HACE1: variants seen among roughly 807,000 people sequenced by gnomAD.
HACE1 encodes the protein E3 ubiquitin-protein ligase HACE1.
Under a neutral mutation model 118.4 loss-of-function variants are expected in HACE1, and 73 were observed. The ratio of observed to expected loss-of-function variants is 0.62; its 90% confidence interval spans 0.51 to 0.75. The LOEUF (loss-of-function observed/expected upper bound fraction) is 0.75. HACE1 is among the 30% of genes least tolerant of loss of function. The pLI is 0.00. For missense variants in HACE1, 749 were observed against 1,102.2 expected (o/e 0.68, Z 4.54); for synonymous variants, 368 against 374.8 (o/e 0.98, Z 0.21).
intron 22 of HACE1, among the ~76,000 whole-genome samples, chr6:104,736,855 G>A (rs931143347): frequency 2.6e-5 from 4 of 151,970 alleles, no homozygotes; most frequent in African/African-American, 9.7e-5. Context: ...AAAAAAATAA[G>A]CAAAATGTTA....
intron 11 of HACE1, among the ~76,000 whole-genome samples, chr6:104,790,296 T>C (rs1476116856): frequency 6.6e-6 from 1 of 152,200 alleles, no homozygotes; most frequent in East Asian, 1.9e-4. Context: ...AAATTTTCCA[T>C]GTAAGGAAAG....
At chr6:104,812,802 T>C (rs188002966) in intron 6 of HACE1, among the ~76,000 whole-genome samples, 11 of 152,120 alleles carry the variant, frequency 7.2e-5, no homozygotes, top group South Asian at 2.1e-4. Context: ...CCTTGGAATA[T>C]AGGAATGGTT....
chr6:104,786,259 T>G (rs183227884), intron 11 of HACE1: 1 of 150,608 alleles, frequency 6.6e-6, no homozygotes, highest in East Asian at 2.0e-4. Context: ...GACGATCACT[T>G]GAACCCAGGA....
chr6:104,753,549 C>T (rs1778295438), intron 19 of HACE1, among the ~76,000 whole-genome samples: 1 of 152,184 alleles, frequency 6.6e-6, no homozygotes, highest in African/African-American at 2.4e-5. Context: ...GACCTGCCTG[C>T]CATCTTTGCT....
intron 6 of HACE1, among the ~76,000 whole-genome samples, chr6:104,812,269 C>T (rs1244664481): frequency 6.6e-6 from 1 of 151,906 alleles, no homozygotes; most frequent in African/African-American, 2.4e-5. Context: ...TAGTGAGACC[C>T]CATTTTTACA....
At chr6:104,797,074 T>G in intron 7 of HACE1, 49 bp from the exon 8 acceptor site, 2 of 1,016,878 alleles carry the variant, frequency 2.0e-6, no homozygotes, top group African/African-American at 1.6e-5. Context: ...TTAAAGTCTT[T>G]CTCTATGAAT....
intron 5 of HACE1, among the ~76,000 whole-genome samples, chr6:104,838,281 G>A (rs1394510120): frequency 6.6e-6 from 1 of 152,050 alleles, no homozygotes; most frequent in Non-Finnish European, 1.5e-5. Flanking sequence ...CAAAACTGGA[G>A]GAATATCATT....
intron 5 of HACE1, among the ~76,000 whole-genome samples, chr6:104,839,375 C>A (rs1218384479): frequency 6.6e-6 from 1 of 152,148 alleles, no homozygotes; most frequent in African/African-American, 2.4e-5. Context: ...TAAGTATAAC[C>A]TAGATAAGTC....
chr6:104,736,280 T>A (rs1049709936), intron 22 of HACE1, among the ~76,000 whole-genome samples: 1 of 151,726 alleles, frequency 6.6e-6, no homozygotes, highest in East Asian at 1.9e-4. Flanking sequence ...ATTTATTATT[T>A]TTTATTATTA....
intron 20 of HACE1, among the ~76,000 whole-genome samples, chr6:104,745,737 G>A (rs920952793): frequency 6.6e-6 from 1 of 151,900 alleles, no homozygotes; most frequent in Non-Finnish European, 1.5e-5. Flanking sequence ...CACCGTGCCC[G>A]GCCAGGATTT....
chr6:104,790,733 C>G (rs775291620), intron 11 of HACE1, among the ~76,000 whole-genome samples: 5 of 152,092 alleles, frequency 3.3e-5, no homozygotes, highest in Non-Finnish European at 7.4e-5. Context: ...CCAGCCTAGG[C>G]AACAGAGTGA....
At chr6:104,730,217 C>T in intron 23 of HACE1, 86 bp downstream of exon 23, 1 of 766,392 alleles carries the variant, frequency 1.3e-6, no homozygotes, top group South Asian at 1.4e-5. Context: ...AGGTTTTCCT[C>T]CCAATGCAGC....
intron 10 of HACE1, among the ~76,000 whole-genome samples, chr6:104,793,632 G>A (rs1783309617): frequency 1.3e-5 from 2 of 152,072 alleles, no homozygotes; most frequent in African/African-American, 4.8e-5. Flanking sequence ...TTTTCTTAAT[G>A]AAAATTTCTA....
chr6:104,806,419 G>A (rs1462276676), intron 7 of HACE1, among the ~76,000 whole-genome samples: 2 of 152,182 alleles, frequency 1.3e-5, no homozygotes, highest in Non-Finnish European at 2.9e-5. Context: ...TTATGATCAC[G>A]CCACTGCACT....
In HACE1 at chr6:104,785,023, T is replaced by C. The variant is rs1782195786; in HGVS notation, c.1371A>G (p.Gln457=). 1 of 1,613,634 alleles carries C rather than the reference T, an allele frequency of 6.2e-7. No individual in the cohort carries two copies. Among genetic ancestry groups the C allele is most frequent in the African/African-American group, 1.3e-5 (1 of 74,900 alleles). The stretch of plus-strand genomic sequence containing the variant: ...GACAAGAACAGCACATGTAAAAAGC[T>C]TGAATGACAGCACTTAGCCGGTTAG... The part of the protein sequence containing the change: ...MTANRLSAVI[Q]AFYMCCSCQM... Residue 457 remains glutamine (Q), a synonymous_variant, in exon 12 of 24, where the codon CAA becomes CAG. Transcript: ENST00000262903.
chr6:104,851,390 C>A lies in HACE1; in HGVS notation c.132-394G>T, dbSNP rs993461036. Among the ~76,000 whole-genome samples, 8 of 152,258 alleles carry A rather than the reference C, an allele frequency of 5.3e-5. No individual in the cohort carries two copies. In the East Asian group the frequency reaches 1.4e-3, roughly 26 times the overall value. On this transcript the variant is annotated intron_variant, in intron 2 of 23. Coordinates refer to ENST00000262903, the MANE Select transcript of HACE1 (RefSeq NM_020771.4). ...AGCCACCCCACCCGGCCTAGCTATT[C>A]TTCTGATTCTTCAGGTTTTGTCCCA...
At position 104,823,743 on chromosome 6, in the gene HACE1, T is replaced by C. The variant is rs1010275892; in HGVS notation, c.534+9299A>G. 8.4e-4 allele frequency among the ~76,000 whole-genome samples: 127 copies of C among 151,420 alleles called. 1 individual carries two copies. The highest frequency in any genetic ancestry group is 3.0e-3 in the African/African-American group (123 of 41,254). On this transcript the variant is annotated intron_variant, in intron 6 of 23. Transcript: ENST00000262903. The stretch of plus-strand genomic sequence containing the variant: ...CAGCACTGAAATGAGTGCAAAGTCA[T>C]CTATCTTTGTGAATTAAAAAAAAAA...
At position 104,859,662 on chromosome 6, in the gene HACE1, A is replaced by G; in HGVS notation, c.-20T>C. The G allele has an allele frequency of 1.3e-6, 2 of 1,526,882 alleles. No individual in the cohort carries two copies. Among genetic ancestry groups the G allele is most frequent in the Non-Finnish European group, 1.8e-6 (2 of 1,140,264 alleles). 94.6% of individuals were successfully genotyped at this position (1,526,882 alleles called of 1,614,324 possible). On this transcript the variant is annotated 5_prime_UTR_variant, in exon 1 of 24. Transcript: ENST00000262903. ...CTCCATCCTCGGCGCGCCCTCCGCG[A>G]TCCTCCGCGATCAGCCGCCCCACCG...
rs570782619 is a variant in HACE1, at chr6:104,834,982, T to C, written c.403-1809A>G. On this transcript the variant is annotated intron_variant, in intron 5 of 23. Transcript: ENST00000262903. Reference sequence around the variant, plus strand: ...GACAACAGGCACATTGAACAAAGAATACCACACTAAAAAGGGGAGATTAAG... The same window carrying C: ...GACAACAGGCACATTGAACAAAGAACACCACACTAAAAAGGGGAGATTAAG... Among the ~76,000 whole-genome samples, 9 of 152,284 alleles carry C rather than the reference T, an allele frequency of 5.9e-5. No individual in the cohort carries two copies. In the South Asian group the frequency reaches 1.5e-3, roughly 25 times the overall value.
Sources: gnomAD v4.1 joint callset for allele counts (sites outside exome capture counted in the v4.1 genomes callset) on GRCh38, gnomAD v4.1.1 for gene constraint, MANE v1.5 for transcripts, NCBI Gene and HGNC (gene_info 2026-07-23, HGNC 2026-07-21) for gene names.